EYS: variants seen among roughly 807,000 people sequenced by gnomAD.
The protein encoded by EYS is EGF-like photoreceptor maintenance factor.
In EYS, 250 loss-of-function variants were observed where a neutral mutation model predicts 282.1. The observed-to-expected ratio is 0.89, with a 90% CI of 0.80 to 0.98. The LOEUF (loss-of-function observed/expected upper bound fraction) is 0.98, where lower values mean the gene tolerates loss of function less well. EYS is among the 50% of genes least tolerant of loss of function. EYS has a pLI of 0.00. For missense variants in EYS, 4,016 were observed against 3,709.0 expected (o/e 1.08, Z -2.15); for synonymous variants, 1,355 against 1,282.9 (o/e 1.06, Z -1.20).
intron 12 of EYS, among the ~76,000 whole-genome samples, chr6:65,099,532 G>C (rs1003724148): frequency 6.6e-6 from 1 of 150,650 alleles, no homozygotes; most frequent in South Asian, 2.1e-4. Flanking sequence ...TAAAAAAGTA[G>C]ATGAATGGCA....
intron 15 of EYS, among the ~76,000 whole-genome samples, chr6:64,935,284 T>A (rs956174354): frequency 1.3e-5 from 2 of 151,670 alleles, no homozygotes; most frequent in South Asian, 4.1e-4. Flanking sequence ...ATAGCAGAAG[T>A]AAACTCTACC....
At chr6:64,730,674 C>T (rs1562159825) in intron 22 of EYS, 1 of 152,070 alleles carries the variant, frequency 6.6e-6, no homozygotes, top group Non-Finnish European at 1.5e-5. Flanking sequence ...GACGAGTTTT[C>T]TCCATGTTGG....
intron 2 of EYS, among the ~76,000 whole-genome samples, chr6:65,619,618 C>T (rs1226028901): frequency 1.3e-5 from 2 of 152,034 alleles, no homozygotes; most frequent in East Asian, 3.9e-4. Flanking sequence ...GAGAGGGCAT[C>T]CCTGTCTTGT....
intron 2 of EYS, among the ~76,000 whole-genome samples, chr6:65,503,040 TA>T (rs1329299947): frequency 6.6e-6 from 1 of 151,696 alleles, no homozygotes; most frequent in Non-Finnish European, 1.5e-5. Flanking sequence ...AAGAAACCAT[TA>T]AACTGTTTTC....
intron 35 of EYS, among the ~76,000 whole-genome samples, chr6:63,871,592 G>A (rs1408291532): frequency 4.6e-5 from 7 of 152,114 alleles, no homozygotes; most frequent in Admixed American, 4.6e-4. Flanking sequence ...AACCCAGGAG[G>A]TGGAGGTTTC....
chr6:65,397,389 G>A (rs116026451), intron 7 of EYS, among the ~76,000 whole-genome samples: 1 of 151,760 alleles, frequency 6.6e-6, no homozygotes, highest in Non-Finnish European at 1.5e-5. Flanking sequence ...CCACCTTTTA[G>A]AGTCTCCAAT....
intron 7 of EYS, among the ~76,000 whole-genome samples, chr6:65,398,716 G>A (rs748902833): frequency 1.4e-4 from 22 of 151,994 alleles, no homozygotes; most frequent in African/African-American, 2.7e-4. Context: ...TATTTAGCCC[G>A]ATAGCTTCTC....
At chr6:63,738,330 A>C (rs1768979527) in intron 41 of EYS, among the ~76,000 whole-genome samples, 1 of 152,120 alleles carries the variant, frequency 6.6e-6, no homozygotes, top group South Asian at 2.1e-4. Context: ...AAGACTTGGA[A>C]CCAACACAAA....
intron 29 of EYS, among the ~76,000 whole-genome samples, chr6:64,310,714 T>A (rs1339395815): frequency 6.6e-6 from 1 of 152,106 alleles, no homozygotes; most frequent in African/African-American, 2.4e-5. Flanking sequence ...AACCTGCACA[T>A]GTTCTCCTGA....
chr6:64,585,062 G>A (rs1268807039), intron 26 of EYS, among the ~76,000 whole-genome samples: 4 of 152,004 alleles, frequency 2.6e-5, no homozygotes, highest in African/African-American at 4.8e-5. Context: ...GCAAAGACAC[G>A]GAACCAACCC....
chr6:64,829,741 T>G (rs1021584487), intron 19 of EYS, among the ~76,000 whole-genome samples: 1 of 151,958 alleles, frequency 6.6e-6, no homozygotes, highest in Non-Finnish European at 1.5e-5. Flanking sequence ...CATTATATGA[T>G]GCTTTGTTCC....
intron 28 of EYS, among the ~76,000 whole-genome samples, chr6:64,424,685 T>C (rs950682297): frequency 1.3e-5 from 2 of 152,228 alleles, no homozygotes; most frequent in East Asian, 1.9e-4. Context: ...CTGCCTTTCA[T>C]TCATTATTTA....
intron 12 of EYS, among the ~76,000 whole-genome samples, chr6:65,227,464 T>G (rs1026134042): frequency 6.6e-6 from 1 of 152,082 alleles, no homozygotes. Flanking sequence ...TGTGGAAGTA[T>G]AAAACGATAA....
At chr6:65,386,096 G>T (rs1206637829) in intron 7 of EYS, among the ~76,000 whole-genome samples, 2 of 150,914 alleles carry the variant, frequency 1.3e-5, no homozygotes, top group East Asian at 1.9e-4. Flanking sequence ...CCACTAAGAA[G>T]AATCAGACCC....
rs1446037226 is a variant in EYS, at chr6:64,583,461, C to T, written c.5644+6762G>A. On this transcript the variant is annotated intron_variant, in intron 26 of 42. Coordinates refer to ENST00000503581, the MANE Select transcript of EYS (RefSeq NM_001142800.2). ...AATCATAGTGGTGACTGGTGCCTGT[C>T]ACAAAGTAGACCATCAATGAACACT... Among the ~76,000 whole-genome samples, 5 of 152,158 alleles carry T rather than the reference C, an allele frequency of 3.3e-5. No homozygotes were observed. The East Asian group carries it at 9.7e-4, about 30-fold the overall frequency.
At chr6:64,354,165 A>C (rs2150405025) in intron 29 of EYS, among the ~76,000 whole-genome samples, 1 of 151,752 alleles carries the variant, frequency 6.6e-6, no homozygotes, top group African/African-American at 2.4e-5. Context: ...TAGATATCAC[A>C]ATCCCTGATT....
At chr6:64,470,101 T>C (rs900059737) in intron 26 of EYS, among the ~76,000 whole-genome samples, 4 of 152,012 alleles carry the variant, frequency 2.6e-5, no homozygotes, top group Admixed American at 1.3e-4. Context: ...TTGTATCCAA[T>C]AAATATCAGC....
chr6:65,274,990 T>C (rs1289121428), intron 12 of EYS, among the ~76,000 whole-genome samples: 2 of 152,048 alleles, frequency 1.3e-5, no homozygotes, highest in African/African-American at 4.8e-5. Context: ...TATTTGGGTA[T>C]TCCCATTTAC....
intron 31 of EYS, among the ~76,000 whole-genome samples, chr6:64,208,724 G>A (rs1765680163): frequency 6.6e-6 from 1 of 152,028 alleles, no homozygotes; most frequent in South Asian, 2.1e-4. Flanking sequence ...TTTTAATAAA[G>A]TTTTGAATGT....
Sources: gnomAD v4.1 joint callset for allele counts (sites outside exome capture counted in the v4.1 genomes callset) on GRCh38, gnomAD v4.1.1 for gene constraint, MANE v1.5 for transcripts, NCBI Gene and HGNC (gene_info 2026-07-23, HGNC 2026-07-21) for gene names.